Variants in FBXL2 observed in about 807,000 individuals in gnomAD.
FBXL2 encodes the protein F-box and leucine rich repeat protein 2.
FBXL2 carries 38 observed loss-of-function variants against 69.2 expected under a neutral mutation model. That is an observed-to-expected ratio of 0.55 (90% confidence interval 0.42 to 0.72). The LOEUF is 0.72. FBXL2 is among the 30% of genes least tolerant of loss of function. FBXL2 has a pLI of 0.00. For missense variants in FBXL2, 354 were observed against 520.3 expected, an observed-to-expected ratio of 0.68 and a Z score of 3.11; for synonymous variants, 192 against 201.3, an observed-to-expected ratio of 0.95 and a Z score of 0.39.
intron 5 of FBXL2, among the ~76,000 whole-genome samples, chr3:33,371,099 C>T (rs922570082): frequency 1.3e-5 from 2 of 150,754 alleles, no homozygotes; most frequent in Non-Finnish European, 2.9e-5. Flanking sequence ...CTAATCTTTT[C>T]TTCTGCCATA....
chr3:33,320,521 G>A (rs898111768), intron 2 of FBXL2, among the ~76,000 whole-genome samples: 5 of 150,272 alleles, frequency 3.3e-5, no homozygotes, highest in East Asian at 3.9e-4. Flanking sequence ...TTGCTATGTC[G>A]CCCTGGCTGG....
chr3:33,320,500 T>TTTC (rs2038100969), intron 2 of FBXL2, among the ~76,000 whole-genome samples: 1 of 151,826 alleles, frequency 6.6e-6, no homozygotes, highest in Non-Finnish European at 1.5e-5. Context: ...TTTTTTTTTT[T>TTTC]AGACGGAGTC....
chr3:33,394,445 TAA>T (rs1418575755), intron 12 of FBXL2, among the ~76,000 whole-genome samples: 1 of 152,094 alleles, frequency 6.6e-6, no homozygotes, highest in African/African-American at 2.4e-5. Flanking sequence ...AAATTTTAAA[TAA>T]AAGATACTAT....
chr3:33,388,801 A>C (rs1233652333), downstream of FBXL2: 1 of 152,194 alleles, frequency 6.6e-6, no homozygotes, highest in Non-Finnish European at 1.5e-5. Context: ...CTTTGTAGCA[A>C]ATAATTAACC....
intron 2 of FBXL2, among the ~76,000 whole-genome samples, chr3:33,342,455 C>A (rs920631896): frequency 1.3e-5 from 2 of 151,432 alleles, no homozygotes; most frequent in Non-Finnish European, 2.9e-5. Flanking sequence ...TCTCATAAGT[C>A]ATTTTTAACC....
At chr3:33,385,120 G>C (rs571826438) in intron 14 of FBXL2, among the ~76,000 whole-genome samples, 1 of 152,280 alleles carries the variant, frequency 6.6e-6, no homozygotes, top group East Asian at 1.9e-4. Context: ...CCAGGTAAGA[G>C]AGCTTAACAG....
chr3:33,349,872 A>G (rs2040708067), intron 2 of FBXL2, among the ~76,000 whole-genome samples: 1 of 152,244 alleles, frequency 6.6e-6, no homozygotes, highest in Non-Finnish European at 1.5e-5. Flanking sequence ...GAATAGGCAT[A>G]TATAATAAAG....
intron 2 of FBXL2, among the ~76,000 whole-genome samples, chr3:33,344,719 C>A (rs2040308610): frequency 6.6e-6 from 1 of 151,690 alleles, no homozygotes; most frequent in Non-Finnish European, 1.5e-5. Flanking sequence ...AAAATTAAAC[C>A]AAAATTAAGG....
intron 5 of FBXL2, among the ~76,000 whole-genome samples, chr3:33,370,366 C>T (rs977075512): frequency 2.7e-5 from 4 of 147,712 alleles, no homozygotes; most frequent in Non-Finnish European, 4.4e-5. Flanking sequence ...TGCAGTGAGC[C>T]GAGATTGCAC....
intron 1 of FBXL2, among the ~76,000 whole-genome samples, chr3:33,282,206 C>T (rs1165149865): frequency 6.6e-6 from 1 of 152,140 alleles, no homozygotes; most frequent in Non-Finnish European, 1.5e-5. Context: ...TTTAATCCAT[C>T]TTGAATTAAT....
At chr3:33,374,749 T>C (rs2042527125) in intron 9 of FBXL2, among the ~76,000 whole-genome samples, 1 of 152,200 alleles carries the variant, frequency 6.6e-6, no homozygotes, top group South Asian at 2.1e-4. Context: ...ATTTTGAATC[T>C]TCATGGCCAA....
chr3:33,407,773 A>C (rs911758706), downstream of FBXL2, among the ~76,000 whole-genome samples: 4 of 152,232 alleles, frequency 2.6e-5, no homozygotes, highest in African/African-American at 9.6e-5. Flanking sequence ...ATCCTCTGGT[A>C]CTTTAATAGT....
At chr3:33,310,243 C>T (rs2037071171) in intron 2 of FBXL2, among the ~76,000 whole-genome samples, 1 of 152,020 alleles carries the variant, frequency 6.6e-6, no homozygotes, top group South Asian at 2.1e-4. Context: ...TCTCTGCCTC[C>T]TGGGTTCAAG....
At chr3:33,297,789 A>G in intron 2 of FBXL2, 64 bp downstream of exon 2, 3 of 964,614 alleles carry the variant, frequency 3.1e-6, no homozygotes, top group East Asian at 2.4e-5. Flanking sequence ...TTCCAAGACT[A>G]TCTTCTTTCT....
At chr3:33,391,020 GTCT>G (rs1357064929), downstream of FBXL2, 1 of 152,252 alleles carries the variant, frequency 6.6e-6, no homozygotes, top group Non-Finnish European at 1.5e-5. Flanking sequence ...TATAGTATAT[GTCT>G]TCTTTTTCAG....
intron 2 of FBXL2, among the ~76,000 whole-genome samples, chr3:33,321,663 A>ACTTAC (rs1331609913): frequency 6.6e-6 from 1 of 152,216 alleles, no homozygotes; most frequent in African/African-American, 2.4e-5. Context: ...CGTAGAGTTG[A>ACTTAC]CTTACACAAA....
At chr3:33,356,397 C>G (rs2041203744) in intron 2 of FBXL2, among the ~76,000 whole-genome samples, 1 of 152,106 alleles carries the variant, frequency 6.6e-6, no homozygotes, top group South Asian at 2.1e-4. Flanking sequence ...TGTCGCCAGG[C>G]TGGAGTGCAG....
intron 2 of FBXL2, among the ~76,000 whole-genome samples, chr3:33,316,336 G>A (rs2037688263): frequency 6.6e-6 from 1 of 152,112 alleles, no homozygotes; most frequent in Non-Finnish European, 1.5e-5. Context: ...CGAGATTACA[G>A]GCATGAGCCA....
rs6772365 is a variant in FBXL2 at position 33,386,881 on chromosome 3, C to G, written c.*1273C>G. ...CTGGCCCTTCCAAACAACCACTCCC[C>G]CAAACTGAAGGGCCAGAGCTCATGA... On this transcript the variant is annotated 3_prime_UTR_variant, in exon 15 of 15. Transcript: ENST00000484457. 0.24 allele frequency: 36,119 copies of G among 152,072 alleles called. 4,933 individuals carry two copies. The highest frequency in any genetic ancestry group is 0.42 in the East Asian group (2,148 of 5,170). 9.4% of individuals were successfully genotyped at this position (152,072 alleles called of 1,614,324 possible). A position where few individuals can be genotyped will look rare whatever the true frequency, so the allele number is the denominator to read the frequency against.
Sources: allele counts gnomAD v4.1 joint callset (sites outside exome capture counted in the v4.1 genomes callset), GRCh38; gene constraint gnomAD v4.1.1; transcripts MANE v1.5; gene names NCBI Gene and HGNC (gene_info 2026-07-23, HGNC 2026-07-21).